The following TRIM33 variants were observed in gnomAD, a reference collection of about 807,000 sequenced individuals.
TRIM33 encodes the protein tripartite motif containing 33.
TRIM33 carries 20 observed loss-of-function variants against 125.4 expected under a neutral mutation model. The ratio of observed to expected loss-of-function variants is 0.16; its 90% CI spans 0.11 to 0.23. The LOEUF is 0.23. Ranked by LOEUF, TRIM33 falls within the 10% of genes least tolerant of loss-of-function variation. The probability of loss-of-function intolerance (pLI) is 1.00; values close to 1 mark genes in which losing one functional copy is unlikely to be tolerated. For synonymous variants in TRIM33, 564 were observed against 513.9 expected (o/e 1.10, Z -1.32); for missense variants, 920 against 1,411.4 (o/e 0.65, Z 5.58).
At chr1:114,401,356 T>C (rs1557841063) in intron 17 of TRIM33, 33 bp downstream of exon 17, 3 of 1,587,160 alleles carry the variant, frequency 1.9e-6, no homozygotes, top group Non-Finnish European at 2.6e-6. Context: ...ATTATGAGAC[T>C]TCCCCACCGA....
intron 4 of TRIM33, among the ~76,000 whole-genome samples, chr1:114,436,844 C>A (rs1442118002): frequency 6.6e-6 from 1 of 152,140 alleles, no homozygotes; most frequent in African/African-American, 2.4e-5. Context: ...TTTGATTTAT[C>A]CCACATACTA....
chr1:114,466,474 T>C (rs1557882151), intron 1 of TRIM33, among the ~76,000 whole-genome samples: 1 of 152,124 alleles, frequency 6.6e-6, no homozygotes, highest in Non-Finnish European at 1.5e-5. Context: ...TCTGAGCCCG[T>C]GGAAAATTCT....
At chr1:114,456,141 T>G (rs1557875727) in intron 4 of TRIM33, among the ~76,000 whole-genome samples, 1 of 152,142 alleles carries the variant, frequency 6.6e-6, no homozygotes, top group Non-Finnish European at 1.5e-5. Context: ...GAATGTACTA[T>G]TGGGATAGAC....
intron 1 of TRIM33, among the ~76,000 whole-genome samples, chr1:114,471,099 T>C (rs956133495): frequency 8.5e-5 from 13 of 152,202 alleles, no homozygotes; most frequent in African/African-American, 3.1e-4. Flanking sequence ...GCGCCTGGCC[T>C]GCAAAGTTCT....
chr1:114,495,220 G>C (rs1258925111), intron 1 of TRIM33, among the ~76,000 whole-genome samples: 1 of 152,048 alleles, frequency 6.6e-6, no homozygotes, highest in Non-Finnish European at 1.5e-5. Flanking sequence ...TGCCAAAATA[G>C]AGTATTTTTT....
At chr1:114,468,587 C>G in intron 1 of TRIM33, 1 of 399,182 alleles carries the variant, frequency 2.5e-6, no homozygotes, top group Admixed American at 3.7e-5. Context: ...ATGTTTGATA[C>G]TGATGAAGCT....
rs116707829 is a variant in TRIM33, at chr1:114,395,538, T to C, written c.*2110A>G. The stretch of plus-strand genomic sequence containing the variant: ...ACTCAAAGGCCTGACAAAATGAAGT[T>C]ATACTGCTGCTATTCCTCACTTTCC... On this transcript the variant is annotated 3_prime_UTR_variant, in exon 20 of 20. Transcript: ENST00000358465. 0.025 allele frequency: 5,072 copies of C among 202,240 alleles called. 113 individuals are homozygous for C. Among genetic ancestry groups the C allele is most frequent in the Non-Finnish European group, 0.033 (3,222 of 98,192 alleles). The allele number at this position is 202,240 out of a possible 1,614,324, so 12.5% of individuals were successfully genotyped here.
At chr1:114,457,456 C>T (rs1319359221) in intron 4 of TRIM33, among the ~76,000 whole-genome samples, 1 of 152,112 alleles carries the variant, frequency 6.6e-6, no homozygotes, top group Non-Finnish European at 1.5e-5. Context: ...GACTGAAGGA[C>T]ATAAAATAAT....
intron 12 of TRIM33, 100 bp downstream of exon 12, chr1:114,410,084 C>T: frequency 1.5e-6 from 2 of 1,371,738 alleles, no homozygotes; most frequent in Non-Finnish European, 2.1e-6. Context: ...TCAAGTAGAC[C>T]TCCTACTTAT....
At chr1:114,458,146 C>A (rs976124766) in intron 4 of TRIM33, among the ~76,000 whole-genome samples, 7 of 152,132 alleles carry the variant, frequency 4.6e-5, no homozygotes. Context: ...AACTAATACC[C>A]TCCTTGTTCA....
At chr1:114,414,027 GCACACACACACACACACACACA>G (rs3077592) in intron 11 of TRIM33, among the ~76,000 whole-genome samples, 3 of 130,584 alleles carry the variant, frequency 2.3e-5, no homozygotes, top group African/African-American at 6.0e-5. Context: ...TAAATCACAG[GCACACACACACACACACACACA>G]CACACACACA....
chr1:114,408,190 C>T (rs1652370108), intron 13 of TRIM33, among the ~76,000 whole-genome samples: 1 of 152,142 alleles, frequency 6.6e-6, no homozygotes, highest in Admixed American at 6.5e-5. Flanking sequence ...ATCGGGAAAA[C>T]ACTGTAGGAG....
chr1:114,509,448 G>A lies in TRIM33; in HGVS notation c.526+1103C>T, dbSNP rs746420951. Reference sequence around the variant, plus strand: ...AGAGTTAACTCAGACCCTGATAAAAGTCTCACATAACAGACCTTGCCAGAA... The same window carrying A: ...AGAGTTAACTCAGACCCTGATAAAAATCTCACATAACAGACCTTGCCAGAA... On this transcript the variant is annotated intron_variant, in intron 1 of 19. Transcript: ENST00000358465. Among the ~76,000 whole-genome samples, 49 of 152,254 alleles carry A rather than the reference G, an allele frequency of 3.2e-4. 1 individual carries two copies. The highest frequency in any genetic ancestry group is 5.3e-4 in the Non-Finnish European group (36 of 68,020).
intron 11 of TRIM33, among the ~76,000 whole-genome samples, chr1:114,414,038 C>G (rs1009145439): frequency 3.5e-5 from 5 of 141,950 alleles, no homozygotes; most frequent in African/African-American, 1.3e-4. Flanking sequence ...CACACACACA[C>G]ACACACACAC....
intron 1 of TRIM33, among the ~76,000 whole-genome samples, chr1:114,504,810 T>G (rs934096992): frequency 6.6e-6 from 1 of 152,220 alleles, no homozygotes; most frequent in Non-Finnish European, 1.5e-5. Flanking sequence ...TTTTACAAGA[T>G]CTAGGTAACT....
At chr1:114,492,756 C>T (rs1050054394) in intron 1 of TRIM33, among the ~76,000 whole-genome samples, 2 of 152,178 alleles carry the variant, frequency 1.3e-5, no homozygotes, top group East Asian at 3.8e-4. Context: ...AAATTCATTC[C>T]TTTTCAGGAC....
At position 114,396,583 on chromosome 1, in the gene TRIM33, G is replaced by T. The variant is rs1557837210; in HGVS notation, c.*1065C>A. 1 of 199,904 alleles carries T rather than the reference G, an allele frequency of 5.0e-6. No homozygotes were observed. 12.4% of individuals were successfully genotyped at this position (199,904 alleles called of 1,614,324 possible). A position where few individuals can be genotyped will look rare whatever the true frequency, so the allele number is the denominator to read the frequency against. On this transcript the variant is annotated 3_prime_UTR_variant, in exon 20 of 20. Coordinates refer to ENST00000358465, the MANE Select transcript of TRIM33 (RefSeq NM_015906.4). The stretch of plus-strand genomic sequence containing the variant: ...CAGCATATATTACAAATCCATTCTT[G>T]ATAGGAACATTAGTAAGAATACACA...
Position 114,394,000 on chromosome 1 carries a change from G to A in TRIM33, c.*3648C>T, listed in dbSNP as rs1651413390. 2.7e-5 allele frequency: 6 copies of A among 225,782 alleles called. No homozygotes were observed. The highest frequency in any genetic ancestry group is 5.3e-5 in the Non-Finnish European group (6 of 113,150). The allele number at this position is 225,782 out of a possible 1,614,324, so 14.0% of individuals were successfully genotyped here. A position where few individuals can be genotyped will look rare whatever the true frequency, so the allele number is the denominator to read the frequency against. On this transcript the variant is annotated 3_prime_UTR_variant, in exon 20 of 20. Transcript: ENST00000358465. ...TGCTTTATCAAGGAGGAGATTAACT[G>A]TGAGGGAAAAAAAATTAAATATCCA...
chr1:114,456,851 G>A (rs371762909), intron 4 of TRIM33, among the ~76,000 whole-genome samples: 1 of 152,100 alleles, frequency 6.6e-6, no homozygotes, highest in African/African-American at 2.4e-5. Flanking sequence ...GGGGAATTAG[G>A]GGAAAAAAGC....
Sources: gnomAD v4.1 joint callset for allele counts (sites outside exome capture counted in the v4.1 genomes callset) on GRCh38, gnomAD v4.1.1 for gene constraint, MANE v1.5 for transcripts, NCBI Gene and HGNC (gene_info 2026-07-23, HGNC 2026-07-21) for gene names.